The following CPA6 variants were observed in gnomAD, a reference collection of about 807,000 sequenced individuals.
CPA6 encodes carboxypeptidase B.
Under a neutral mutation model 63.3 loss-of-function variants are expected in CPA6, and 58 were observed. The observed-to-expected ratio is 0.92, with a 90% CI of 0.74 to 1.14. The LOEUF (loss-of-function observed/expected upper bound fraction) is 1.14. CPA6 is among the 50% of genes most tolerant of loss of function. CPA6 has a pLI of 0.00. For synonymous variants in CPA6, 185 were observed against 179.0 expected (o/e 1.03, Z -0.27); for missense variants, 565 against 526.6 (o/e 1.07, Z -0.71).
intron 6 of CPA6, among the ~76,000 whole-genome samples, chr8:67,502,668 T>C (rs1293942738): frequency 6.6e-6 from 1 of 152,202 alleles, no homozygotes; most frequent in Non-Finnish European, 1.5e-5. Context: ...CACATTTTGA[T>C]ATGTTGTATT....
intron 1 of CPA6, among the ~76,000 whole-genome samples, chr8:67,725,665 C>T (rs954865151): frequency 1.3e-5 from 2 of 152,124 alleles, no homozygotes; most frequent in Non-Finnish European, 2.9e-5. Flanking sequence ...GGACCACAGA[C>T]TTGTGCCACT....
At chr8:67,609,249 A>C (rs951732029) in intron 2 of CPA6, among the ~76,000 whole-genome samples, 1 of 152,170 alleles carries the variant, frequency 6.6e-6, no homozygotes, top group Admixed American at 6.5e-5. Flanking sequence ...CCCTCAAATA[A>C]CTACTCTCTT....
chr8:67,447,127 T>C (rs539272007), intron 8 of CPA6, among the ~76,000 whole-genome samples: 36 of 150,184 alleles, frequency 2.4e-4, no homozygotes, highest in South Asian at 1.1e-3. Context: ...CACACACACA[T>C]ATATATATAC....
At chr8:67,475,934 C>CTTTCTT (rs1363764433) in intron 8 of CPA6, among the ~76,000 whole-genome samples, 2 of 47,626 alleles carry the variant, frequency 4.2e-5, no homozygotes, top group South Asian at 5.9e-4. Flanking sequence ...TTCTTTCTTT[C>CTTTCTT]TCTTTCTTTC....
At chr8:67,629,690 C>T (rs1815275624) in intron 1 of CPA6, among the ~76,000 whole-genome samples, 1 of 152,090 alleles carries the variant, frequency 6.6e-6, no homozygotes, top group South Asian at 2.1e-4. Context: ...ACCTCTGTTC[C>T]CAACATGCAG....
At chr8:67,733,253 G>A (rs925980413) in intron 1 of CPA6, among the ~76,000 whole-genome samples, 7 of 146,730 alleles carry the variant, frequency 4.8e-5, no homozygotes, top group Non-Finnish European at 3.0e-5. Flanking sequence ...ATCACCTGGA[G>A]GGCTTGTTAA....
intron 1 of CPA6, among the ~76,000 whole-genome samples, chr8:67,684,737 A>G (rs919612945): frequency 6.6e-6 from 1 of 152,158 alleles, no homozygotes; most frequent in Non-Finnish European, 1.5e-5. Context: ...TCCTAGGCCC[A>G]TCTGTCCATT....
At chr8:67,431,503 C>T (rs1034282207) in intron 9 of CPA6, among the ~76,000 whole-genome samples, 2 of 152,166 alleles carry the variant, frequency 1.3e-5, no homozygotes, top group African/African-American at 4.8e-5. Context: ...GCTGGGATTA[C>T]AGGCATCAGC....
At chr8:67,573,147 C>G (rs1813529443) in intron 2 of CPA6, among the ~76,000 whole-genome samples, 1 of 152,182 alleles carries the variant, frequency 6.6e-6, no homozygotes, top group South Asian at 2.1e-4. Flanking sequence ...CCATATATAA[C>G]AAGCCCACAG....
intron 8 of CPA6, among the ~76,000 whole-genome samples, chr8:67,455,867 A>G (rs1256341340): frequency 6.6e-6 from 1 of 151,990 alleles, no homozygotes. Flanking sequence ...GGCATGCACT[A>G]GAATGCTCAG....
chr8:67,666,792 G>A (rs999863221), intron 1 of CPA6, among the ~76,000 whole-genome samples: 25 of 152,102 alleles, frequency 1.6e-4, no homozygotes, highest in African/African-American at 5.3e-4. Flanking sequence ...GCCAAAACCG[G>A]GTGACAGGAT....
intron 8 of CPA6, among the ~76,000 whole-genome samples, chr8:67,475,890 CTTTCTTTCTTT>C (rs1811211203): frequency 4.6e-5 from 2 of 43,554 alleles, no homozygotes; most frequent in African/African-American, 1.0e-4. Flanking sequence ...TCCTTTCTTT[CTTTCTTTCTTT>C]CTTTCTTTCT....
At chr8:67,639,344 C>T (rs913179751) in intron 1 of CPA6, among the ~76,000 whole-genome samples, 23 of 151,568 alleles carry the variant, frequency 1.5e-4, no homozygotes, top group African/African-American at 4.9e-4. Flanking sequence ...GCTCGGCTCC[C>T]GCTACTGGCC....
rs1241662498 is a variant in CPA6 at position 67,607,728 on chromosome 8, C to G, written c.192+16448G>C. Among the ~76,000 whole-genome samples the G allele has an allele frequency of 2.0e-5, 3 of 152,200 alleles. No individual in the cohort carries two copies. In the East Asian group the frequency reaches 5.8e-4, roughly 29 times the overall value. Reference sequence around the variant, plus strand: ...CTGATAGTTTTATCAAATGTTTCGTCACTACATCACACTGGTATCTTTCTT... The same window carrying G: ...CTGATAGTTTTATCAAATGTTTCGTGACTACATCACACTGGTATCTTTCTT... On this transcript the variant is annotated intron_variant, in intron 2 of 10. Transcript: ENST00000297770.
chr8:67,488,958 C>T (rs181616134), intron 6 of CPA6, among the ~76,000 whole-genome samples: 13 of 152,218 alleles, frequency 8.5e-5, no homozygotes, highest in Non-Finnish European at 1.5e-4. Flanking sequence ...TGGGCTGAGA[C>T]GATGGGGTTT....
intron 9 of CPA6, among the ~76,000 whole-genome samples, chr8:67,433,232 C>A (rs182025327): frequency 6.6e-6 from 1 of 152,212 alleles, no homozygotes; most frequent in Admixed American, 6.5e-5. Context: ...AACCCAATTT[C>A]CTCCCAATCA....
chr8:67,442,377 A>G (rs1036621055), intron 8 of CPA6, among the ~76,000 whole-genome samples: 1 of 151,826 alleles, frequency 6.6e-6, no homozygotes, highest in African/African-American at 2.4e-5. Context: ...AATATAGTGT[A>G]ATGTAATATA....
chr8:67,516,223 T>G lies in CPA6; in HGVS notation c.317+1700A>C, dbSNP rs1002942894. On this transcript the variant is annotated intron_variant, in intron 3 of 10. Coordinates refer to ENST00000297770, the MANE Select transcript of CPA6 (RefSeq NM_020361.5). ...CCTTCCTTACTTTCAGTAGATAACT[T>G]TGCTTCTTCATTCATCCAGAAAATT... 2.6e-5 allele frequency among the ~76,000 whole-genome samples: 4 copies of G among 152,332 alleles called. No homozygotes were observed. The South Asian group carries it at 8.3e-4, about 32-fold the overall frequency.
intron 2 of CPA6, among the ~76,000 whole-genome samples, chr8:67,565,894 C>G (rs1481702361): frequency 6.6e-6 from 1 of 152,186 alleles, no homozygotes; most frequent in Non-Finnish European, 1.5e-5. Flanking sequence ...TGGAGAATGC[C>G]TCCTGCAAAT....
Sources: gnomAD v4.1 joint callset for allele counts (sites outside exome capture counted in the v4.1 genomes callset) on GRCh38, gnomAD v4.1.1 for gene constraint, MANE v1.5 for transcripts, NCBI Gene and HGNC (gene_info 2026-07-23, HGNC 2026-07-21) for gene names.